Variants in CADM2 observed in about 807,000 individuals in gnomAD.
CADM2 encodes immunoglobulin superfamily member 4D.
A neutral mutation model predicts 49.8 loss-of-function variants in CADM2; 12 were observed. The ratio of observed to expected loss-of-function variants is 0.24; its 90% CI spans 0.15 to 0.39. The LOEUF (loss-of-function observed/expected upper bound fraction) is 0.39. CADM2 is among the 10% of genes least tolerant of loss of function. The pLI is 1.00. For synonymous variants in CADM2, 214 were observed against 175.4 expected (o/e 1.22, Z -1.74); for missense variants, 378 against 492.3 (o/e 0.77, Z 2.20).
Position 86,066,674 on chromosome 3 carries a change from T to C in CADM2, c.1106T>C (p.Leu369Ser). The change falls in exon 10 of 10, where the codon TTA becomes TCA. Residue 369 changes from leucine (L) to serine (S), a missense_variant. By Grantham distance (145) the Leu-to-Ser change is moderately radical. Coordinates refer to ENST00000383699, the MANE Select transcript of CADM2 (RefSeq NM_001167675.2). Reference sequence around the variant, plus strand: ...CTTCCAATATATGCAGGAACGTATTTAACAAATGAAGCTAAAGGAGCTGAA... The same window carrying C: ...CTTCCAATATATGCAGGAACGTATTCAACAAATGAAGCTAAAGGAGCTGAA... ...RYLARHKGTY[L>S]TNEAKGAEDA... The C allele has an allele frequency of 1.2e-6, 2 of 1,611,796 alleles. No individual in the cohort carries two copies. The highest frequency in any genetic ancestry group is 1.7e-6 in the Non-Finnish European group (2 of 1,177,946).
chr3:85,841,217 G>A (rs2108263615), intron 3 of CADM2, among the ~76,000 whole-genome samples: 1 of 151,826 alleles, frequency 6.6e-6, no homozygotes, highest in South Asian at 2.1e-4. Flanking sequence ...TACGGGTAAT[G>A]GTATCCTTTA....
chr3:85,245,460 C>T (rs966786493), intron 1 of CADM2, among the ~76,000 whole-genome samples: 37 of 150,898 alleles, frequency 2.5e-4, no homozygotes, highest in Admixed American at 1.3e-4. Context: ...TGCAGTGAGC[C>T]GAGATTGCAC....
At chr3:85,957,117 G>A (rs1490591854) in intron 7 of CADM2, among the ~76,000 whole-genome samples, 1 of 151,422 alleles carries the variant, frequency 6.6e-6, no homozygotes, top group African/African-American at 2.4e-5. Context: ...ATCATTTTTT[G>A]CTGCTTCAAG....
chr3:85,982,911 T>C (rs1211190272), intron 8 of CADM2, among the ~76,000 whole-genome samples: 7 of 151,738 alleles, frequency 4.6e-5, no homozygotes, highest in African/African-American at 7.2e-5. Context: ...CTTTATCTTA[T>C]TCAATAATTT....
At chr3:85,093,815 T>G (rs1337344773) in intron 1 of CADM2, among the ~76,000 whole-genome samples, 1 of 151,962 alleles carries the variant, frequency 6.6e-6, no homozygotes, top group Non-Finnish European at 1.5e-5. Flanking sequence ...CAGATAGTCG[T>G]TTTGCTTGGG....
chr3:85,640,342 T>C (rs971607334), intron 1 of CADM2, among the ~76,000 whole-genome samples: 6 of 152,212 alleles, frequency 3.9e-5, no homozygotes, highest in Non-Finnish European at 8.8e-5. Flanking sequence ...TAAGAAGTGA[T>C]TCCAGGCATA....
At chr3:85,657,154 CTT>C (rs369164497) in intron 1 of CADM2, among the ~76,000 whole-genome samples, 13 of 152,120 alleles carry the variant, frequency 8.5e-5, no homozygotes, top group African/African-American at 3.1e-4. Context: ...TTCTTTGAAT[CTT>C]TTGCAGCAAA....
At chr3:85,838,557 A>G (rs1011977152) in intron 3 of CADM2, among the ~76,000 whole-genome samples, 2 of 151,826 alleles carry the variant, frequency 1.3e-5, no homozygotes, top group Non-Finnish European at 2.9e-5. Context: ...TCTGGTTATA[A>G]TATACTTTTT....
chr3:85,753,779 A>G (rs539265112), intron 2 of CADM2, among the ~76,000 whole-genome samples: 1 of 152,140 alleles, frequency 6.6e-6, no homozygotes, highest in Non-Finnish European at 1.5e-5. Flanking sequence ...GCGAACTCGT[A>G]TGCGTCTGCA....
chr3:85,857,718 A>G (rs2075370141), intron 3 of CADM2, among the ~76,000 whole-genome samples: 1 of 152,188 alleles, frequency 6.6e-6, no homozygotes, highest in Non-Finnish European at 1.5e-5. Context: ...AGCTGTTTCC[A>G]CAAACTTAGA....
intron 3 of CADM2, among the ~76,000 whole-genome samples, chr3:85,871,271 T>C (rs192466294): frequency 1.3e-5 from 2 of 152,252 alleles, no homozygotes; most frequent in East Asian, 3.9e-4. Context: ...AAAACATATA[T>C]TGAAAAATGC....
At chr3:85,807,842 A>AAAACCC (rs1160920817) in intron 3 of CADM2, among the ~76,000 whole-genome samples, 3 of 152,110 alleles carry the variant, frequency 2.0e-5, no homozygotes, top group Admixed American at 6.6e-5. Context: ...TTTAACTGAG[A>AAAACCC]AAACCCTTAG....
rs1212332863 is a variant in CADM2 at position 85,048,697 on chromosome 3, G to C, written c.61+89029G>C. ...TTTACATGTGGCATGAGAAAGAGGT[G>C]GTTGTTGTGGGAACTCCCAAGATTG... On this transcript the variant is annotated intron_variant, in intron 1 of 9. Transcript: ENST00000383699. Among the ~76,000 whole-genome samples the C allele has an allele frequency of 2.0e-5, 3 of 152,068 alleles. No homozygotes were observed. In the East Asian group the frequency reaches 5.8e-4, roughly 29 times the overall value.
At chr3:85,124,667 G>A (rs189985023) in intron 1 of CADM2, among the ~76,000 whole-genome samples, 147 of 152,246 alleles carry the variant, frequency 9.7e-4, no homozygotes, top group Non-Finnish European at 1.6e-3. Context: ...AGTGGAAAAT[G>A]TATTCAAACA....
chr3:85,505,966 A>G (rs1037003772), intron 1 of CADM2, among the ~76,000 whole-genome samples: 5 of 152,174 alleles, frequency 3.3e-5, no homozygotes, highest in African/African-American at 1.2e-4. Context: ...CCTTTATCTG[A>G]CATGTCCACA....
intron 8 of CADM2, among the ~76,000 whole-genome samples, chr3:86,017,518 C>G (rs1270869139): frequency 6.6e-6 from 1 of 151,894 alleles, no homozygotes; most frequent in Non-Finnish European, 1.5e-5. Context: ...ATCGCTTGAG[C>G]CAGGAGTTGG....
intron 1 of CADM2, among the ~76,000 whole-genome samples, chr3:85,144,883 A>G (rs1380445606): frequency 6.6e-6 from 1 of 152,232 alleles, no homozygotes; most frequent in Admixed American, 6.5e-5. Flanking sequence ...CAAATCATAA[A>G]TGGAGAGCAA....
chr3:85,291,112 A>T (rs1188464223), intron 1 of CADM2, among the ~76,000 whole-genome samples: 4 of 152,192 alleles, frequency 2.6e-5, no homozygotes, highest in African/African-American at 9.7e-5. Context: ...TGGAGCTGAA[A>T]ACCAAGGCTC....
At chr3:85,873,400 C>T (rs532274824) in intron 3 of CADM2, among the ~76,000 whole-genome samples, 4 of 152,154 alleles carry the variant, frequency 2.6e-5, no homozygotes, top group Non-Finnish European at 5.9e-5. Context: ...AACGTGGTGG[C>T]TGAGCTGGTG....
Sources: allele counts gnomAD v4.1 joint callset (sites outside exome capture counted in the v4.1 genomes callset), GRCh38; gene constraint gnomAD v4.1.1; transcripts MANE v1.5; gene names NCBI Gene and HGNC (gene_info 2026-07-23, HGNC 2026-07-21).